The following CREBRF variants were observed in gnomAD, a reference collection of about 807,000 sequenced individuals.
The protein encoded by CREBRF is CREB3 regulatory factor, also known as UPF0474 protein C5orf41.
A neutral mutation model predicts 66.1 loss-of-function variants in CREBRF; 5 were observed. The ratio of observed to expected loss-of-function variants is 0.08; its 90% CI spans 0.04 to 0.16. The LOEUF is 0.16. CREBRF is among the 10% of genes least tolerant of loss of function. The pLI is 1.00. For synonymous variants in CREBRF, 229 were observed against 264.4 expected (o/e 0.87, Z 1.30); for missense variants, 531 against 744.9 (o/e 0.71, Z 3.34).
intron 2 of CREBRF, chr5:173,086,140 T>C: frequency 1.3e-6 from 1 of 788,454 alleles, no homozygotes. Context: ...TTGTTTGTCG[T>C]GTAGGATATC....
At chr5:173,092,689 C>T (rs900034846) in intron 4 of CREBRF, among the ~76,000 whole-genome samples, 5 of 152,094 alleles carry the variant, frequency 3.3e-5, no homozygotes, top group Non-Finnish European at 5.9e-5. Context: ...TTCTGAAAGG[C>T]GTTTAAAGCA....
intron 3 of CREBRF, among the ~76,000 whole-genome samples, chr5:173,087,281 C>G (rs1420028346): frequency 6.6e-6 from 1 of 152,058 alleles, no homozygotes; most frequent in Non-Finnish European, 1.5e-5. Flanking sequence ...CGGGGTTTCA[C>G]CATGTCAGCC....
At chr5:173,075,772 T>C (rs1204434990) in intron 1 of CREBRF, among the ~76,000 whole-genome samples, 1 of 151,982 alleles carries the variant, frequency 6.6e-6, no homozygotes, top group Non-Finnish European at 1.5e-5. Context: ...CACCTCCCTG[T>C]CCACACCCCT....
chr5:173,083,608 C>G (rs1008499427), intron 2 of CREBRF, among the ~76,000 whole-genome samples: 1 of 152,140 alleles, frequency 6.6e-6, no homozygotes, highest in Admixed American at 6.6e-5. Context: ...AAATTGTCTT[C>G]CAGCTTGCTT....
At chr5:173,112,406 T>C in intron 7 of CREBRF, 27 bp downstream of exon 7, 3 of 1,420,004 alleles carry the variant, frequency 2.1e-6, no homozygotes, top group South Asian at 2.5e-5. Context: ...AAGAAGTTGA[T>C]TAACCACCTA....
intron 4 of CREBRF, 43 bp from the exon 5 acceptor site, chr5:173,108,581 T>C (rs985464202): frequency 3.9e-6 from 6 of 1,538,990 alleles, no homozygotes; most frequent in Non-Finnish European, 5.3e-6. Context: ...GATTGATTTA[T>C]TGAAATTTAT....
intron 7 of CREBRF, among the ~76,000 whole-genome samples, chr5:173,120,003 CT>C (rs1362056695): frequency 2.0e-5 from 3 of 152,122 alleles, no homozygotes; most frequent in African/African-American, 7.2e-5. Flanking sequence ...ATATTGGAAT[CT>C]ATTGCTAATA....
chr5:173,059,256 CTTTTTTTTCT>C (rs760048993), intron 1 of CREBRF, among the ~76,000 whole-genome samples: 7,881 of 117,564 alleles, frequency 0.067, 303 homozygotes, highest in Middle Eastern at 0.2. Context: ...TCTTCTTTTT[CTTTTTTTTCT>C]TTTTTTTTTT....
chr5:173,059,256 C>CTTTTTTTTTTTTTTTTTTTT (rs780723745), intron 1 of CREBRF, among the ~76,000 whole-genome samples: 2 of 117,644 alleles, frequency 1.7e-5, no homozygotes, highest in Non-Finnish European at 1.8e-5. Context: ...TCTTCTTTTT[C>CTTTTTTTTTTTTTTTTTTTT]TTTTTTTTCT....
chr5:173,110,889 A>G (rs1258863182), intron 6 of CREBRF, among the ~76,000 whole-genome samples, 178 bp downstream of exon 6: 1 of 152,200 alleles, frequency 6.6e-6, no homozygotes, highest in Non-Finnish European at 1.5e-5. Flanking sequence ...TTATGGAAAA[A>G]GTTTTTAAGA....
chr5:173,064,151 G>T (rs1757365324), intron 1 of CREBRF, among the ~76,000 whole-genome samples: 1 of 152,058 alleles, frequency 6.6e-6, no homozygotes, highest in African/African-American at 2.4e-5. Flanking sequence ...GGTTTGAGGT[G>T]CTCCTTTTAT....
At chr5:173,062,970 AT>A (rs1757322948) in intron 1 of CREBRF, among the ~76,000 whole-genome samples, 2 of 151,828 alleles carry the variant, frequency 1.3e-5, no homozygotes. Context: ...GATGGTCTCG[AT>A]CTCCTGACCT....
chr5:173,095,579 T>A (rs1047931852), intron 4 of CREBRF, among the ~76,000 whole-genome samples: 1 of 152,198 alleles, frequency 6.6e-6, no homozygotes, highest in Non-Finnish European at 1.5e-5. Flanking sequence ...CTTTGGCTAT[T>A]CAGAATCTTT....
At chr5:173,057,115 T>G (rs1442668419) in intron 1 of CREBRF, among the ~76,000 whole-genome samples, 1 of 151,870 alleles carries the variant, frequency 6.6e-6, no homozygotes, top group African/African-American at 2.4e-5. Context: ...TTTGTTTATA[T>G]GTCTTCTCAA....
Position 173,101,166 on chromosome 5 carries a change from A to G in CREBRF, c.1223-7458A>G, listed in dbSNP as rs781209773. On this transcript the variant is annotated intron_variant, in intron 4 of 8. Coordinates refer to ENST00000296953, the MANE Select transcript of CREBRF (RefSeq NM_153607.3). The stretch of plus-strand genomic sequence containing the variant: ...ACCCTCAATCTCCTGGGCTCAAGCA[A>G]TCCTTCCACCTCAGCCTCCCAAGTA... Among the ~76,000 whole-genome samples, 31 of 152,090 alleles carry G rather than the reference A, an allele frequency of 2.0e-4. 1 individual carries two copies. The highest frequency in any genetic ancestry group is 5.2e-4 in the Admixed American group (8 of 15,290).
intron 1 of CREBRF, among the ~76,000 whole-genome samples, chr5:173,075,295 C>T (rs533761307): frequency 3.0e-4 from 45 of 152,206 alleles, no homozygotes; most frequent in African/African-American, 8.9e-4. Flanking sequence ...AGTGATTCAC[C>T]TGCAGTTTTG....
intron 4 of CREBRF, among the ~76,000 whole-genome samples, chr5:173,104,711 C>CAGAGAGAGAGAG (rs112995190): frequency 2.0e-5 from 3 of 146,598 alleles, no homozygotes; most frequent in African/African-American, 7.6e-5. Flanking sequence ...GCAACAAATT[C>CAGAGAGAGAGAG]AGAGAGAGAG....
intron 7 of CREBRF, among the ~76,000 whole-genome samples, chr5:173,117,668 CT>C (rs1561814779): frequency 5.6e-5 from 7 of 123,922 alleles, no homozygotes; most frequent in African/African-American, 8.9e-5. Flanking sequence ...CTCTCTCTTT[CT>C]TTTTCTCTCT....
At chr5:173,061,105 T>G (rs1347875898) in intron 1 of CREBRF, among the ~76,000 whole-genome samples, 1 of 152,156 alleles carries the variant, frequency 6.6e-6, no homozygotes, top group African/African-American at 2.4e-5. Flanking sequence ...GTAGCTGGGA[T>G]TACAGGCGCC....
Sources: gnomAD v4.1 joint callset for allele counts (sites outside exome capture counted in the v4.1 genomes callset) on GRCh38, gnomAD v4.1.1 for gene constraint, MANE v1.5 for transcripts, NCBI Gene and HGNC (gene_info 2026-07-23, HGNC 2026-07-21) for gene names.